Variants in GABRB1 observed in about 807,000 individuals in gnomAD.
The protein encoded by GABRB1 is gamma-aminobutyric acid receptor subunit beta-1.
GABRB1 carries 17 observed loss-of-function variants against 51.6 expected under a neutral mutation model. The observed-to-expected ratio is 0.33, with a 90% CI of 0.23 to 0.49. The LOEUF (loss-of-function observed/expected upper bound fraction) is 0.49. Ranked by LOEUF, GABRB1 falls within the 20% of genes least tolerant of loss-of-function variation. The pLI is 0.99. For synonymous variants in GABRB1, 247 were observed against 218.9 expected (o/e 1.13, Z -1.14); for missense variants, 410 against 600.6 (o/e 0.68, Z 3.32).
intron 1 of GABRB1, among the ~76,000 whole-genome samples, chr4:47,006,118 C>T (rs542075044): frequency 3.3e-5 from 5 of 151,914 alleles, no homozygotes; most frequent in African/African-American, 1.2e-4. Flanking sequence ...GAATCCCTTC[C>T]ATTAGATCAT....
chr4:47,230,656 A>G (rs1721109197), intron 4 of GABRB1, among the ~76,000 whole-genome samples: 1 of 152,170 alleles, frequency 6.6e-6, no homozygotes, highest in African/African-American at 2.4e-5. Flanking sequence ...TCTCTTATGG[A>G]TCTCTATCTT....
At chr4:47,204,938 G>T (rs185337325) in intron 4 of GABRB1, among the ~76,000 whole-genome samples, 1 of 152,058 alleles carries the variant, frequency 6.6e-6, no homozygotes, top group Admixed American at 6.6e-5. Flanking sequence ...CAACTCTCTT[G>T]GCCTATCTTG....
At chr4:47,063,794 C>T (rs572974829) in intron 3 of GABRB1, among the ~76,000 whole-genome samples, 3 of 152,182 alleles carry the variant, frequency 2.0e-5, no homozygotes, top group South Asian at 4.1e-4. Context: ...AACAGAAAAC[C>T]AAACACCACG....
intron 4 of GABRB1, among the ~76,000 whole-genome samples, chr4:47,280,576 T>C (rs1723249887): frequency 6.6e-6 from 1 of 151,456 alleles, no homozygotes. Flanking sequence ...AGGTGCAATT[T>C]TGACACATTA....
rs571988545 is a variant in GABRB1, at chr4:47,389,715, C to T, written c.545-13603C>T. ...TAATTGTTATGCACATCTGGAGCCA[C>T]TGGAAAAATTAAACCCAGTTGACTC... On this transcript the variant is annotated intron_variant, in intron 5 of 8. Transcript: ENST00000295454. Among the ~76,000 whole-genome samples, 18 of 152,298 alleles carry T rather than the reference C, an allele frequency of 1.2e-4. 1 individual carries two copies. The South Asian group carries it at 3.7e-3, about 32-fold the overall frequency.
chr4:47,268,887 C>A (rs1335078389), intron 4 of GABRB1, among the ~76,000 whole-genome samples: 3 of 152,074 alleles, frequency 2.0e-5, no homozygotes, highest in Admixed American at 2.0e-4. Flanking sequence ...TTATACAAAA[C>A]TCTTCAAAAA....
At chr4:47,379,665 G>A (rs1727526154) in intron 5 of GABRB1, among the ~76,000 whole-genome samples, 3 of 152,122 alleles carry the variant, frequency 2.0e-5, no homozygotes, top group Non-Finnish European at 4.4e-5. Context: ...ACCATATGAG[G>A]TTGTTCTTTT....
At chr4:47,233,495 G>A (rs1363069140) in intron 4 of GABRB1, among the ~76,000 whole-genome samples, 1 of 151,984 alleles carries the variant, frequency 6.6e-6, no homozygotes, top group Non-Finnish European at 1.5e-5. Flanking sequence ...GCCTTTTTGG[G>A]ATTCTACATT....
chr4:47,125,941 A>T (rs754037495), intron 3 of GABRB1, among the ~76,000 whole-genome samples: 84 of 149,378 alleles, frequency 5.6e-4, no homozygotes, highest in Admixed American at 7.4e-4. Context: ...GAAAATATAT[A>T]ATATATATAT....
intron 5 of GABRB1, among the ~76,000 whole-genome samples, chr4:47,357,226 A>G (rs752590576): frequency 1.3e-5 from 2 of 152,228 alleles, no homozygotes; most frequent in Non-Finnish European, 2.9e-5. Context: ...AACACATACA[A>G]AAAAGTTAGG....
At chr4:47,128,264 G>T (rs1268361696) in intron 3 of GABRB1, among the ~76,000 whole-genome samples, 2 of 151,684 alleles carry the variant, frequency 1.3e-5, no homozygotes, top group Non-Finnish European at 3.0e-5. Flanking sequence ...GAACGTTAAG[G>T]CTTTAACTGC....
chr4:47,271,190 A>T (rs914891174), intron 4 of GABRB1, among the ~76,000 whole-genome samples: 1 of 152,188 alleles, frequency 6.6e-6, no homozygotes, highest in Non-Finnish European at 1.5e-5. Flanking sequence ...CCTACCCATT[A>T]TTAACATGTT....
intron 4 of GABRB1, among the ~76,000 whole-genome samples, chr4:47,175,146 T>C (rs889155238): frequency 6.6e-6 from 1 of 150,510 alleles, no homozygotes; most frequent in Non-Finnish European, 1.5e-5. Context: ...TCTTCTTTCC[T>C]CTCTCTTTTC....
intron 3 of GABRB1, among the ~76,000 whole-genome samples, chr4:47,101,061 A>G (rs1577909032): frequency 6.6e-6 from 1 of 152,004 alleles, no homozygotes; most frequent in East Asian, 1.9e-4. Flanking sequence ...CATGAAAATA[A>G]GGTTGGTCTT....
chr4:47,398,609 G>A (rs560656586), intron 5 of GABRB1, among the ~76,000 whole-genome samples: 24 of 152,288 alleles, frequency 1.6e-4, no homozygotes, highest in African/African-American at 5.5e-4. Context: ...GAGAGAGACG[G>A]TGTCTCGCAC....
intron 4 of GABRB1, among the ~76,000 whole-genome samples, chr4:47,280,480 A>G (rs1723246884): frequency 6.7e-6 from 1 of 150,122 alleles, no homozygotes; most frequent in African/African-American, 2.4e-5. Context: ...GATTTTATAT[A>G]TATATTTATA....
Position 47,298,793 on chromosome 4 carries a change from C to A in GABRB1, c.462-21334C>A, listed in dbSNP as rs185706668. ...CCTGCATTGCCAAGTCAATCCTAAG[C>A]CAAAAGAACAAAGCTGGAGGCATCA... On this transcript the variant is annotated intron_variant, in intron 4 of 8. Coordinates refer to ENST00000295454, the MANE Select transcript of GABRB1 (RefSeq NM_000812.4). Among the ~76,000 whole-genome samples, 598 of 152,218 alleles carry A rather than the reference C, an allele frequency of 3.9e-3. 2 individuals carry two copies. The highest frequency in any genetic ancestry group is 0.014 in the African/African-American group (567 of 41,520).
chr4:47,277,317 T>C (rs1723120592), intron 4 of GABRB1, among the ~76,000 whole-genome samples: 1 of 151,946 alleles, frequency 6.6e-6, no homozygotes, highest in African/African-American at 2.4e-5. Context: ...ATCAAAACAT[T>C]TGAACTCATG....
chr4:47,300,134 A>C (rs968559159), intron 4 of GABRB1, among the ~76,000 whole-genome samples: 1 of 151,616 alleles, frequency 6.6e-6, no homozygotes, highest in Non-Finnish European at 1.5e-5. Flanking sequence ...AGATATACCT[A>C]AGGCTAAATG....
Sources: allele counts gnomAD v4.1 joint callset (sites outside exome capture counted in the v4.1 genomes callset), GRCh38; gene constraint gnomAD v4.1.1; transcripts MANE v1.5; gene names NCBI Gene and HGNC (gene_info 2026-07-23, HGNC 2026-07-21).